ERBB4: variants seen among roughly 807,000 people sequenced by gnomAD.
ERBB4 encodes receptor tyrosine-protein kinase erbB-4.
ERBB4 carries 42 observed loss-of-function variants against 158.0 expected under a neutral mutation model. The ratio of observed to expected loss-of-function variants is 0.27; its 90% CI spans 0.21 to 0.34. The LOEUF (loss-of-function observed/expected upper bound fraction) is 0.34, where lower values mean the gene tolerates loss of function less well. ERBB4 is among the 10% of genes least tolerant of loss of function. ERBB4 has a pLI of 1.00. For synonymous variants in ERBB4, 583 were observed against 558.7 expected (o/e 1.04, Z -0.61); for missense variants, 1,333 against 1,624.1 (o/e 0.82, Z 3.08).
At chr2:211,739,444 CT>C (rs1403438098) in intron 5 of ERBB4, among the ~76,000 whole-genome samples, 1 of 152,094 alleles carries the variant, frequency 6.6e-6, no homozygotes, top group East Asian at 1.9e-4. Flanking sequence ...CAAGGTTATT[CT>C]TTTCAAACAT....
intron 21 of ERBB4, among the ~76,000 whole-genome samples, chr2:211,429,798 G>A (rs1574474590): frequency 6.6e-6 from 1 of 152,202 alleles, no homozygotes; most frequent in South Asian, 2.1e-4. Flanking sequence ...CGGACATTGT[G>A]TTAAAGAAGT....
At chr2:212,228,890 T>C (rs569967370) in intron 1 of ERBB4, among the ~76,000 whole-genome samples, 7 of 152,184 alleles carry the variant, frequency 4.6e-5, no homozygotes, top group Non-Finnish European at 1.0e-4. Context: ...TTTCAACAAA[T>C]TGGATCAGCT....
intron 1 of ERBB4, among the ~76,000 whole-genome samples, chr2:212,518,992 G>GA (rs1194202864): frequency 1.3e-5 from 2 of 151,884 alleles, no homozygotes; most frequent in African/African-American, 4.8e-5. Context: ...CATCTCCCCT[G>GA]AAAAAATGTT....
intron 2 of ERBB4, among the ~76,000 whole-genome samples, chr2:212,085,237 C>A (rs1387592405): frequency 6.6e-6 from 1 of 151,812 alleles, no homozygotes; most frequent in Non-Finnish European, 1.5e-5. Context: ...CACATTCTAG[C>A]AGTTTAAAAA....
intron 5 of ERBB4, among the ~76,000 whole-genome samples, chr2:211,739,460 CTATTTATT>C (rs569131942): frequency 6.6e-6 from 1 of 151,922 alleles, no homozygotes; most frequent in Non-Finnish European, 1.5e-5. Flanking sequence ...AAACATCTGG[CTATTTATT>C]TATTTATTTA....
chr2:211,793,334 T>A (rs995116946), intron 3 of ERBB4, among the ~76,000 whole-genome samples: 7 of 151,916 alleles, frequency 4.6e-5, no homozygotes, highest in Non-Finnish European at 1.0e-4. Context: ...ATTGTATATC[T>A]AAGTATTTTG....
intron 5 of ERBB4, among the ~76,000 whole-genome samples, chr2:211,725,488 G>A (rs1341820193): frequency 1.8e-4 from 5 of 28,384 alleles, no homozygotes; most frequent in South Asian, 1.9e-3. Flanking sequence ...GAGTGTGCCC[G>A]TAATCCCAAC....
chr2:212,052,729 CCA>C lies in ERBB4; in HGVS notation c.234+72021_234+72022del, dbSNP rs1203677426. 5.3e-5 allele frequency among the ~76,000 whole-genome samples: 8 copies of C among 152,280 alleles called. No homozygotes were observed. In the South Asian group the frequency reaches 1.7e-3, roughly 32 times the overall value. On this transcript the variant is annotated intron_variant, in intron 2 of 27. Transcript: ENST00000342788. ...CTGACTCACAGGCAAGGGACTAAAA[CCA>C]CATCCAGAGAGTGAGATGTCAGACT...
At chr2:211,706,610 A>AAAC (rs2073452201) in intron 9 of ERBB4, among the ~76,000 whole-genome samples, 2 of 151,960 alleles carry the variant, frequency 1.3e-5, no homozygotes, top group Admixed American at 6.6e-5. Context: ...ACAAAAAAAA[A>AAAC]AAAAACAAAA....
intron 1 of ERBB4, among the ~76,000 whole-genome samples, chr2:212,262,431 CT>C (rs1043130155): frequency 6.6e-6 from 1 of 151,894 alleles, no homozygotes; most frequent in African/African-American, 2.4e-5. Flanking sequence ...GTCTTTGGCC[CT>C]TTTTTAAATA....
intron 2 of ERBB4, among the ~76,000 whole-genome samples, chr2:212,080,969 T>G (rs1197402579): frequency 6.6e-6 from 1 of 152,182 alleles, no homozygotes; most frequent in South Asian, 2.1e-4. Flanking sequence ...ATTTGGAACA[T>G]TCTTCATAGA....
intron 1 of ERBB4, among the ~76,000 whole-genome samples, chr2:212,318,047 G>T (rs543529648): frequency 6.6e-6 from 1 of 151,636 alleles, no homozygotes; most frequent in Admixed American, 6.6e-5. Flanking sequence ...GATCCAGATA[G>T]CCATAGGCTA....
chr2:211,935,180 T>C (rs1480204731), intron 3 of ERBB4, among the ~76,000 whole-genome samples: 3 of 152,178 alleles, frequency 2.0e-5, no homozygotes, highest in Non-Finnish European at 2.9e-5. Context: ...AAGTCCAGTT[T>C]ACTTATCTTC....
chr2:211,595,230 G>A (rs772631621), intron 19 of ERBB4, among the ~76,000 whole-genome samples: 1 of 152,156 alleles, frequency 6.6e-6, no homozygotes, highest in Admixed American at 6.5e-5. Context: ...CAAACAACTT[G>A]GAGAATTTGC....
At chr2:212,042,407 T>C (rs552371477) in intron 2 of ERBB4, among the ~76,000 whole-genome samples, 45 of 152,210 alleles carry the variant, frequency 3.0e-4, no homozygotes, top group African/African-American at 1.0e-3. Flanking sequence ...TACTTCAAAT[T>C]AGGTTTTCAC....
chr2:211,693,073 T>A (rs1382761815), intron 12 of ERBB4, among the ~76,000 whole-genome samples: 4 of 152,318 alleles, frequency 2.6e-5, no homozygotes, highest in African/African-American at 9.6e-5. Flanking sequence ...TATACCCTAG[T>A]TACTCTATAT....
chr2:212,189,468 A>G (rs1432766872), intron 1 of ERBB4, among the ~76,000 whole-genome samples: 2 of 152,178 alleles, frequency 1.3e-5, no homozygotes, highest in Non-Finnish European at 2.9e-5. Context: ...GAAGTCCTCC[A>G]AAAACTCTGA....
At chr2:211,875,867 A>G (rs2106130650) in intron 3 of ERBB4, among the ~76,000 whole-genome samples, 1 of 152,316 alleles carries the variant, frequency 6.6e-6, no homozygotes, top group Non-Finnish European at 1.5e-5. Flanking sequence ...AATTGCTTAC[A>G]GTATTCAGTA....
intron 1 of ERBB4, among the ~76,000 whole-genome samples, chr2:212,191,892 ATATAT>A (rs1287869199): frequency 0.011 from 1,206 of 111,140 alleles, 30 homozygotes; most frequent in African/African-American, 0.037. Flanking sequence ...GTTACATGTT[ATATAT>A]TATATATGAT....
Sources: gnomAD v4.1 joint callset for allele counts (sites outside exome capture counted in the v4.1 genomes callset) on GRCh38, gnomAD v4.1.1 for gene constraint, MANE v1.5 for transcripts, NCBI Gene and HGNC (gene_info 2026-07-23, HGNC 2026-07-21) for gene names.